The following C12orf54 variants were observed in gnomAD, a reference collection of about 807,000 sequenced individuals.
C12orf54 encodes chromosome 12 open reading frame 54, also known as uncharacterized protein C12orf54.
In C12orf54, 24 loss-of-function variants were observed where a neutral mutation model predicts 26.4. The ratio of observed to expected loss-of-function variants is 0.91; its 90% CI spans 0.66 to 1.28. The LOEUF (loss-of-function observed/expected upper bound fraction) is 1.28, where lower values mean the gene tolerates loss of function less well. Ranked by LOEUF, C12orf54 falls within the 50% of genes most tolerant of loss-of-function variation. C12orf54 has a pLI of 0.00. For missense variants in C12orf54, 154 were observed against 150.9 expected, an observed-to-expected ratio of 1.02 and a Z score of -0.11; for synonymous variants, 54 against 47.0, an observed-to-expected ratio of 1.15 and a Z score of -0.61.
the C12orf54 span, among the ~76,000 whole-genome samples, chr12:48,435,582 C>A: frequency 6.6e-6 from 1 of 152,174 alleles, no homozygotes; most frequent in Admixed American, 6.5e-5. Context: ...ACTCTACAAG[C>A]CAGAAGAGAG....
rs1397490164 is a variant in C12orf54, at chr12:48,486,209, G to A, written c.96+1G>A. 6.2e-7 allele frequency: 1 copy of A among 1,609,802 alleles called. No individual in the cohort carries two copies. Among genetic ancestry groups the A allele is most frequent in the African/African-American group, 1.3e-5 (1 of 74,832 alleles). ...CATAGAAGAGACAATGAGACCACAG[G>A]TGGGTAAGGTATCCAAATTCTCTGG... On this transcript the variant is annotated splice_donor_variant, in intron 3 of 8. Coordinates refer to ENST00000548364, the MANE Select transcript of C12orf54 (RefSeq NM_152319.4). LOFTEE classifies it high-confidence loss of function.
the C12orf54 span, among the ~76,000 whole-genome samples, chr12:48,428,593 G>T: frequency 1.3e-5 from 2 of 151,998 alleles, no homozygotes; most frequent in East Asian, 1.9e-4. Flanking sequence ...TTCCTGGAAA[G>T]ATATAACCCT....
the C12orf54 span, among the ~76,000 whole-genome samples, chr12:48,420,813 T>C: frequency 3.2e-4 from 49 of 152,346 alleles, no homozygotes; most frequent in African/African-American, 1.2e-3. Context: ...AATCTCTCTC[T>C]GCTATTGCTA....
chr12:48,484,529 A>T (rs1241335450), intron 2 of C12orf54, among the ~76,000 whole-genome samples: 1 of 152,178 alleles, frequency 6.6e-6, no homozygotes, highest in African/African-American at 2.4e-5. Flanking sequence ...TAAAAATAAC[A>T]CACAACAATA....
intron 7 of C12orf54, 37 bp downstream of exon 7, chr12:48,493,032 G>A: frequency 6.3e-7 from 1 of 1,578,594 alleles, no homozygotes; most frequent in Non-Finnish European, 8.7e-7. Flanking sequence ...CAAGGGAGAT[G>A]GCACCCACCT....
intron 1 of C12orf54, among the ~76,000 whole-genome samples, chr12:48,483,005 C>T (rs548143887): frequency 6.6e-6 from 1 of 152,028 alleles, no homozygotes; most frequent in South Asian, 2.1e-4. Context: ...GAAGATTTTA[C>T]CCAGGGCAAA....
the C12orf54 span, among the ~76,000 whole-genome samples, chr12:48,474,296 C>A: frequency 2.0e-5 from 3 of 152,200 alleles, no homozygotes; most frequent in Non-Finnish European, 4.4e-5. Flanking sequence ...CAGCTCTGGT[C>A]TACAGCTCCC....
At chr12:48,486,761 A>T in intron 4 of C12orf54, 35 bp downstream of exon 4, 1 of 1,595,828 alleles carries the variant, frequency 6.3e-7, no homozygotes, top group Non-Finnish European at 8.6e-7. Flanking sequence ...ACAGCATGGC[A>T]TGAGGTGGGA....
chr12:48,439,111 A>G, the C12orf54 span, among the ~76,000 whole-genome samples: 1 of 152,246 alleles, frequency 6.6e-6, no homozygotes, highest in Non-Finnish European at 1.5e-5. Context: ...ACTTCTCAAA[A>G]GAAGACATTT....
At chr12:48,454,688 C>T in the C12orf54 span, among the ~76,000 whole-genome samples, 1 of 152,186 alleles carries the variant, frequency 6.6e-6, no homozygotes, top group African/African-American at 2.4e-5. Flanking sequence ...TATACTTTGA[C>T]TCTCTTTTTA....
the C12orf54 span, chr12:48,473,243 TGAG>T: frequency 8.0e-6 from 9 of 1,123,126 alleles, no homozygotes; most frequent in South Asian, 5.1e-5. Flanking sequence ...AGGACGAGGA[TGAG>T]GAGGAGGAAC....
the C12orf54 span, chr12:48,473,177 G>T: frequency 1.4e-6 from 2 of 1,449,680 alleles, no homozygotes; most frequent in Non-Finnish European, 1.9e-6. Context: ...ATGACAAGGA[G>T]GAGGATGAGG....
At chr12:48,477,581 C>T (rs1041516995), upstream of C12orf54, among the ~76,000 whole-genome samples, 8 of 152,160 alleles carry the variant, frequency 5.3e-5, no homozygotes, top group African/African-American at 1.9e-4. Flanking sequence ...ACCAATCTCA[C>T]AGAAGTACAA....
At chr12:48,432,169 C>A in the C12orf54 span, among the ~76,000 whole-genome samples, 1 of 152,162 alleles carries the variant, frequency 6.6e-6, no homozygotes. Context: ...TGCACTGATA[C>A]AATTTGTTAT....
the C12orf54 span, among the ~76,000 whole-genome samples, chr12:48,425,074 A>G: frequency 6.6e-6 from 1 of 152,132 alleles, no homozygotes; most frequent in African/African-American, 2.4e-5. Flanking sequence ...TTTAAACAAA[A>G]GCAATTTTTT....
chr12:48,468,607 G>A, the C12orf54 span, among the ~76,000 whole-genome samples: 2 of 152,030 alleles, frequency 1.3e-5, no homozygotes, highest in African/African-American at 4.8e-5. Flanking sequence ...CAATAAAGCT[G>A]TTATGGTTAT....
chr12:48,462,692 G>C, the C12orf54 span, among the ~76,000 whole-genome samples: 61 of 151,722 alleles, frequency 4.0e-4, no homozygotes, highest in African/African-American at 1.3e-3. Context: ...TTCCCAATGA[G>C]CAAATTTTGG....
chr12:48,421,255 A>C, the C12orf54 span, among the ~76,000 whole-genome samples: 2 of 152,166 alleles, frequency 1.3e-5, no homozygotes, highest in Non-Finnish European at 2.9e-5. Flanking sequence ...GAAACTTACA[A>C]ACATGGCAGA....
chr12:48,488,669 A>G (rs1937714441), intron 4 of C12orf54, among the ~76,000 whole-genome samples: 1 of 152,214 alleles, frequency 6.6e-6, no homozygotes, highest in Admixed American at 6.5e-5. Flanking sequence ...CATTCAATGC[A>G]CAGCCCAGTC....
Sources: allele counts gnomAD v4.1 joint callset (sites outside exome capture counted in the v4.1 genomes callset), GRCh38; gene constraint gnomAD v4.1.1; transcripts MANE v1.5; gene names NCBI Gene and HGNC (gene_info 2026-07-23, HGNC 2026-07-21).